NAALADL2: variants seen among roughly 807,000 people sequenced by gnomAD.
The protein encoded by NAALADL2 is N-acetylated alpha-linked acidic dipeptidase like 2.
Under a neutral mutation model 87.2 loss-of-function variants are expected in NAALADL2, and 76 were observed. The ratio of observed to expected loss-of-function variants is 0.87; its 90% confidence interval spans 0.72 to 1.05. The LOEUF is 1.05. NAALADL2 is among the 50% of genes least tolerant of loss of function. The probability of loss-of-function intolerance (pLI) is 0.00; values close to 1 mark genes in which losing one functional copy is unlikely to be tolerated. For missense variants in NAALADL2, 1,089 were observed against 945.8 expected (o/e 1.15, Z -1.99); for synonymous variants, 354 against 331.0 (o/e 1.07, Z -0.75).
chr3:175,094,268 C>T (rs1720716981), intron 1 of NAALADL2, among the ~76,000 whole-genome samples: 2 of 151,774 alleles, frequency 1.3e-5, no homozygotes, highest in Non-Finnish European at 2.9e-5. Flanking sequence ...AATATCATTT[C>T]AAGGTTACAG....
intron 2 of NAALADL2, among the ~76,000 whole-genome samples, chr3:174,590,179 G>A (rs1207737549): frequency 6.7e-6 from 1 of 148,554 alleles, no homozygotes; most frequent in Admixed American, 6.7e-5. Context: ...TTTTTTTTCT[G>A]TACAGTTATA....
intron 6 of NAALADL2, among the ~76,000 whole-genome samples, chr3:175,450,001 C>A (rs1721315065): frequency 6.6e-6 from 1 of 152,090 alleles, no homozygotes; most frequent in Non-Finnish European, 1.5e-5. Context: ...ACAGAATATA[C>A]ATTTAAATTT....
intron 1 of NAALADL2, among the ~76,000 whole-genome samples, chr3:175,011,471 T>C (rs931556897): frequency 1.3e-5 from 2 of 152,156 alleles, no homozygotes; most frequent in Admixed American, 6.5e-5. Flanking sequence ...AAATGTGATA[T>C]ATAGCAAAAG....
chr3:174,728,718 A>G (rs1021052328), intron 2 of NAALADL2, among the ~76,000 whole-genome samples: 36 of 152,098 alleles, frequency 2.4e-4, no homozygotes, highest in African/African-American at 2.4e-5. Context: ...AGAACTCATC[A>G]TACTGGAGCT....
chr3:175,557,732 C>G (rs916701474), intron 9 of NAALADL2, among the ~76,000 whole-genome samples: 7 of 152,166 alleles, frequency 4.6e-5, no homozygotes, highest in Admixed American at 4.6e-4. Context: ...GTTCCCATTT[C>G]TCCACTTCCT....
intron 11 of NAALADL2, among the ~76,000 whole-genome samples, chr3:175,640,807 T>C (rs1313146903): frequency 6.6e-6 from 1 of 152,138 alleles, no homozygotes; most frequent in African/African-American, 2.4e-5. Flanking sequence ...AGTTTTTATA[T>C]AAAAAAATTT....
intron 2 of NAALADL2, among the ~76,000 whole-genome samples, chr3:174,621,546 A>G (rs534637981): frequency 2.6e-5 from 4 of 152,256 alleles, no homozygotes; most frequent in Admixed American, 2.0e-4. Flanking sequence ...TGAGGTCTAT[A>G]TATATAGACC....
intron 4 of NAALADL2, among the ~76,000 whole-genome samples, chr3:175,263,805 G>A (rs555535453): frequency 3.1e-4 from 47 of 151,374 alleles, no homozygotes; most frequent in Non-Finnish European, 5.5e-4. Context: ...TATACAGTTC[G>A]CCCCCTAAAA....
intron 6 of NAALADL2, among the ~76,000 whole-genome samples, chr3:175,447,905 T>C (rs1284741906): frequency 6.6e-6 from 1 of 152,198 alleles, no homozygotes; most frequent in Admixed American, 6.5e-5. Context: ...TTAAGCTACC[T>C]GTGGAGGGAT....
At chr3:175,525,636 G>A (rs987528548) in intron 9 of NAALADL2, among the ~76,000 whole-genome samples, 4 of 151,902 alleles carry the variant, frequency 2.6e-5, no homozygotes, top group African/African-American at 9.7e-5. Context: ...AAAGTTGAGT[G>A]AGTTTTTCAA....
chr3:175,520,655 G>T (rs1732524716), intron 9 of NAALADL2, among the ~76,000 whole-genome samples: 1 of 152,186 alleles, frequency 6.6e-6, no homozygotes. Flanking sequence ...AATAGTGAAT[G>T]CATCTGAAAT....
chr3:174,635,564 G>A (rs1392941972), intron 2 of NAALADL2, among the ~76,000 whole-genome samples: 5 of 149,850 alleles, frequency 3.3e-5, no homozygotes, highest in South Asian at 2.2e-4. Context: ...GTGCTCTGGC[G>A]CGATCTCGGC....
intron 1 of NAALADL2, among the ~76,000 whole-genome samples, chr3:174,973,869 T>C (rs1169887872): frequency 2.6e-5 from 4 of 152,204 alleles, no homozygotes; most frequent in Non-Finnish European, 4.4e-5. Flanking sequence ...ATGTGGTCCA[T>C]TGAAACATCA....
At chr3:175,234,996 C>A (rs905140978) in intron 3 of NAALADL2, 1 of 151,844 alleles carries the variant, frequency 6.6e-6, no homozygotes, top group African/African-American at 2.4e-5. Context: ...AATTGGTCAA[C>A]AGTTTCCTTT....
intron 4 of NAALADL2, among the ~76,000 whole-genome samples, chr3:175,313,415 A>G (rs1758634498): frequency 6.6e-6 from 1 of 152,202 alleles, no homozygotes; most frequent in Non-Finnish European, 1.5e-5. Flanking sequence ...GGCCAGGTGG[A>G]CATTCCTTGT....
chr3:174,861,820 G>T (rs1349371417), intron 1 of NAALADL2, among the ~76,000 whole-genome samples: 2 of 151,952 alleles, frequency 1.3e-5, no homozygotes, highest in South Asian at 2.1e-4. Context: ...ATACTCTCAG[G>T]GGGTTAGTTG....
At chr3:174,839,816 G>A (rs1253773384) in intron 3 of NAALADL2, among the ~76,000 whole-genome samples, 1 of 150,554 alleles carries the variant, frequency 6.6e-6, no homozygotes, top group Non-Finnish European at 1.5e-5. Flanking sequence ...ACTCCTGAAC[G>A]AATGGCCATA....
At chr3:175,258,809 G>A (rs1191529140) in intron 4 of NAALADL2, among the ~76,000 whole-genome samples, 3 of 152,174 alleles carry the variant, frequency 2.0e-5, no homozygotes, top group Non-Finnish European at 4.4e-5. Flanking sequence ...GGTAAGAGAT[G>A]GGTTTACTAA....
intron 1 of NAALADL2, among the ~76,000 whole-genome samples, chr3:175,072,153 A>G (rs370767677): frequency 1.1e-4 from 17 of 152,186 alleles, no homozygotes; most frequent in African/African-American, 3.9e-4. Context: ...CTGTTGAAAG[A>G]GTTCTACAAG....
Sources: gnomAD v4.1 joint callset for allele counts (sites outside exome capture counted in the v4.1 genomes callset) on GRCh38, gnomAD v4.1.1 for gene constraint, MANE v1.5 for transcripts, NCBI Gene and HGNC (gene_info 2026-07-23, HGNC 2026-07-21) for gene names.